The following GPC6 variants were observed in gnomAD, a reference collection of about 807,000 sequenced individuals.
GPC6 encodes glypican 6.
Under a neutral mutation model 55.2 loss-of-function variants are expected in GPC6, and 14 were observed. The ratio of observed to expected loss-of-function variants is 0.25; its 90% CI spans 0.17 to 0.40. The LOEUF (loss-of-function observed/expected upper bound fraction) is 0.40. Ranked by LOEUF, GPC6 falls within the 10% of genes least tolerant of loss-of-function variation. The pLI is 1.00. For missense variants in GPC6, 641 were observed against 708.5 expected, an observed-to-expected ratio of 0.90 and a Z score of 1.08; for synonymous variants, 278 against 259.6, an observed-to-expected ratio of 1.07 and a Z score of -0.68.
chr13:93,677,600 T>C (rs1262090343), intron 2 of GPC6, among the ~76,000 whole-genome samples: 1 of 152,140 alleles, frequency 6.6e-6, no homozygotes, highest in Admixed American at 6.6e-5. Context: ...GACTAAACTG[T>C]GCTCAGACTG....
At chr13:94,354,211 T>C (rs1199540894) in intron 6 of GPC6, among the ~76,000 whole-genome samples, 1 of 152,224 alleles carries the variant, frequency 6.6e-6, no homozygotes, top group Non-Finnish European at 1.5e-5. Context: ...TAAGTTCTGA[T>C]GGACTCCACA....
At chr13:93,612,477 C>T (rs1055596902) in intron 2 of GPC6, among the ~76,000 whole-genome samples, 1 of 142,434 alleles carries the variant, frequency 7.0e-6, no homozygotes, top group African/African-American at 2.6e-5. Flanking sequence ...CCAGCCTGGG[C>T]GATAGTGCGA....
chr13:93,969,223 T>C (rs1272986668), intron 3 of GPC6, among the ~76,000 whole-genome samples: 1 of 152,174 alleles, frequency 6.6e-6, no homozygotes, highest in Non-Finnish European at 1.5e-5. Flanking sequence ...TTGATACTGA[T>C]TGTACTGGTT....
intron 2 of GPC6, among the ~76,000 whole-genome samples, chr13:93,558,616 T>A (rs192865804): frequency 9.8e-5 from 15 of 152,298 alleles, no homozygotes; most frequent in Admixed American, 2.0e-4. Context: ...GTATCCATTA[T>A]TAAGGTCCTT....
chr13:93,445,817 A>G (rs1877977668), intron 1 of GPC6, among the ~76,000 whole-genome samples: 2 of 152,194 alleles, frequency 1.3e-5, no homozygotes, highest in Admixed American at 1.3e-4. Flanking sequence ...AAATATATGA[A>G]TGTCAGGAAT....
chr13:93,255,348 A>G (rs1040890875), intron 1 of GPC6, among the ~76,000 whole-genome samples: 3 of 152,144 alleles, frequency 2.0e-5, no homozygotes. Flanking sequence ...TACTAGAACC[A>G]TTCAAATTCT....
intron 3 of GPC6, among the ~76,000 whole-genome samples, chr13:93,969,683 T>C (rs140539048): frequency 6.6e-6 from 1 of 152,142 alleles, no homozygotes; most frequent in South Asian, 2.1e-4. Flanking sequence ...TCAATGGTCA[T>C]AAATACATTT....
chr13:93,279,279 A>T (rs1171148180), intron 1 of GPC6, among the ~76,000 whole-genome samples: 1 of 152,142 alleles, frequency 6.6e-6, no homozygotes, highest in Admixed American at 6.5e-5. Context: ...TTCCCATGTG[A>T]TGTTGAAGCT....
intron 4 of GPC6, among the ~76,000 whole-genome samples, chr13:94,282,513 T>C (rs1247764827): frequency 6.6e-6 from 1 of 152,086 alleles, no homozygotes; most frequent in African/African-American, 2.4e-5. Context: ...TCAAATGAGA[T>C]TTGGGTGGGG....
chr13:93,706,393 T>C (rs540765277), intron 2 of GPC6, among the ~76,000 whole-genome samples: 3 of 152,034 alleles, frequency 2.0e-5, no homozygotes, highest in East Asian at 3.9e-4. Flanking sequence ...TATAGGCATT[T>C]GTACAATTTG....
intron 3 of GPC6, among the ~76,000 whole-genome samples, chr13:93,931,265 A>G (rs957746971): frequency 2.0e-5 from 3 of 152,070 alleles, no homozygotes; most frequent in African/African-American, 7.2e-5. Flanking sequence ...ATCAGAAACC[A>G]GAGGAAGGAG....
At chr13:94,344,360 G>T (rs1470540880) in intron 6 of GPC6, among the ~76,000 whole-genome samples, 1 of 152,188 alleles carries the variant, frequency 6.6e-6, no homozygotes, top group Admixed American at 6.5e-5. Flanking sequence ...GGAAGGAAAA[G>T]CCCCTTGGAA....
chr13:93,219,769 A>G, the GPC6 span, among the ~76,000 whole-genome samples: 1 of 152,214 alleles, frequency 6.6e-6, no homozygotes, highest in Non-Finnish European at 1.5e-5. Context: ...CATCATAGAT[A>G]GCAAGGTTTA....
intron 2 of GPC6, among the ~76,000 whole-genome samples, chr13:93,726,378 C>T (rs1883641821): frequency 6.6e-6 from 1 of 152,052 alleles, no homozygotes; most frequent in African/African-American, 2.4e-5. Context: ...TTGTTTGAAA[C>T]TCCCTGGCCA....
At chr13:93,704,347 C>T (rs1463994493) in intron 2 of GPC6, among the ~76,000 whole-genome samples, 1 of 151,872 alleles carries the variant, frequency 6.6e-6, no homozygotes, top group East Asian at 1.9e-4. Context: ...TGTACGATTT[C>T]TTTTTGAGCC....
At chr13:94,089,740 G>A (rs1885412591) in intron 4 of GPC6, among the ~76,000 whole-genome samples, 1 of 152,096 alleles carries the variant, frequency 6.6e-6, no homozygotes, top group Non-Finnish European at 1.5e-5. Context: ...CTTAAGCTAG[G>A]AATGTGTCCA....
At chr13:94,192,209 T>A (rs185683680) in intron 4 of GPC6, among the ~76,000 whole-genome samples, 1 of 152,286 alleles carries the variant, frequency 6.6e-6, no homozygotes, top group Admixed American at 6.5e-5. Context: ...AAAAATGTGT[T>A]AACAGATAAA....
At chr13:94,290,429 T>TAAAA (rs532958421) in intron 5 of GPC6, among the ~76,000 whole-genome samples, 7 of 99,018 alleles carry the variant, frequency 7.1e-5, no homozygotes, top group Non-Finnish European at 1.0e-4. Flanking sequence ...TCTAGAAAGG[T>TAAAA]AAAAAAAAAA....
intron 2 of GPC6, among the ~76,000 whole-genome samples, chr13:93,657,160 G>C (rs925842927): frequency 6.6e-6 from 1 of 151,790 alleles, no homozygotes; most frequent in Admixed American, 6.6e-5. Context: ...CCAAGCAAAA[G>C]GAACAAAGTT....
Sources: gnomAD v4.1 joint callset for allele counts (sites outside exome capture counted in the v4.1 genomes callset) on GRCh38, gnomAD v4.1.1 for gene constraint, MANE v1.5 for transcripts, NCBI Gene and HGNC (gene_info 2026-07-23, HGNC 2026-07-21) for gene names.